UBAP2: variants seen among roughly 807,000 people sequenced by gnomAD.
UBAP2 encodes ubiquitin associated protein 2, also known as ubiquitin-associated protein 2.
UBAP2 carries 75 observed loss-of-function variants against 139.6 expected under a neutral mutation model. That is an observed-to-expected ratio of 0.54 (90% confidence interval 0.45 to 0.65). The LOEUF is 0.65. Among genes scored for constraint, UBAP2 ranks in the 30% least tolerant of loss-of-function variants. The pLI is 0.00. For synonymous variants in UBAP2, 526 were observed against 526.2 expected (o/e 1.00, Z 0.01); for missense variants, 1,368 against 1,369.6 (o/e 1.00, Z 0.02).
intron 17 of UBAP2, among the ~76,000 whole-genome samples, chr9:33,935,166 G>T (rs1344641114): frequency 1.7e-5 from 1 of 57,392 alleles, no homozygotes; most frequent in African/African-American, 4.0e-5. Flanking sequence ...GAAGTGGCGG[G>T]GGGGGGGGGT....
intron 1 of UBAP2, among the ~76,000 whole-genome samples, chr9:34,043,220 G>C (rs565465883): frequency 1.3e-5 from 2 of 152,266 alleles, no homozygotes; most frequent in South Asian, 2.1e-4. Context: ...CACCCAGGCT[G>C]AAGTGCAGTG....
chr9:34,038,871 T>C lies in UBAP2; in HGVS notation c.-42+9954A>G, dbSNP rs886521863. ...CTGCCCGGCCGCCCATCGTCTGAGA[T>C]GTGGGGAGCGCCTCTGCCCCGCCAC... On this transcript the variant is annotated intron_variant, in intron 1 of 28. Transcript: ENST00000379238. Among the ~76,000 whole-genome samples, 262 of 143,836 alleles carry C rather than the reference T, an allele frequency of 1.8e-3. 2 individuals are homozygous for C. The highest frequency in any genetic ancestry group is 8.5e-4 in the Non-Finnish European group (56 of 65,498). The allele number at this position is 143,836 out of a possible 152,430, so 94.4% of individuals were successfully genotyped here.
intron 1 of UBAP2, among the ~76,000 whole-genome samples, chr9:34,028,954 A>G (rs535737454): frequency 6.4e-4 from 97 of 152,092 alleles, no homozygotes; most frequent in African/African-American, 2.1e-3. Flanking sequence ...CTATACAATA[A>G]ATTTTTTTTT....
At chr9:33,970,199 T>A (rs1205783148) in intron 8 of UBAP2, among the ~76,000 whole-genome samples, 1 of 151,734 alleles carries the variant, frequency 6.6e-6, no homozygotes, top group Non-Finnish European at 1.5e-5. Flanking sequence ...TCCTAATATC[T>A]ATATGATCCA....
intron 1 of UBAP2, among the ~76,000 whole-genome samples, chr9:34,023,377 G>A (rs138063138): frequency 1.6e-3 from 239 of 152,240 alleles, no homozygotes; most frequent in African/African-American, 5.5e-3. Flanking sequence ...ACAGAAAAAT[G>A]ACTTAATCTT....
Position 33,923,273 on chromosome 9 carries a change from C to G in UBAP2, c.2917G>C (p.Gly973Arg), listed in dbSNP as rs1156965891. 1 of 1,614,180 alleles carries G rather than the reference C, an allele frequency of 6.2e-7. No homozygotes were observed. The highest frequency in any genetic ancestry group is 2.2e-5 in the East Asian group (1 of 44,876). The change falls in exon 26 of 29, where the codon GGG (glycine) becomes CGG (arginine). Residue 973 changes from glycine (G) to arginine (R), a missense_variant. Transcript: ENST00000379238. Reference protein sequence around the residue: ...YSTGYDDLTQGTAAGDYSKGG... With the variant: ...YSTGYDDLTQRTAAGDYSKGG... ...TTGGAGTAGTCTCCTGCTGCTGTCC[C>G]CTGGGTCAGGTCGTCATAACCTAGC...
intron 1 of UBAP2, among the ~76,000 whole-genome samples, chr9:34,026,606 C>T (rs1373728998): frequency 1.3e-5 from 2 of 152,102 alleles, no homozygotes; most frequent in Non-Finnish European, 2.9e-5. Context: ...AAATCTAAAA[C>T]CAATGGTAAT....
intron 16 of UBAP2, among the ~76,000 whole-genome samples, chr9:33,939,189 CTTTTTTTTT>C (rs72150705): frequency 7.6e-5 from 6 of 78,592 alleles, no homozygotes; most frequent in South Asian, 5.4e-4. Context: ...TTTCCTATGT[CTTTTTTTTT>C]TTTTTTTTTT....
chr9:33,964,842 C>CA (rs1390902053), intron 8 of UBAP2, among the ~76,000 whole-genome samples: 1 of 152,074 alleles, frequency 6.6e-6, no homozygotes, highest in East Asian at 1.9e-4. Context: ...ATGGGATTGT[C>CA]AGATTGTATG....
chr9:34,024,025 CAG>C (rs1265644081), intron 1 of UBAP2, among the ~76,000 whole-genome samples: 1 of 149,974 alleles, frequency 6.7e-6, no homozygotes, highest in Non-Finnish European at 1.5e-5. Flanking sequence ...GTCCGGGTGA[CAG>C]AGCAAGACTC....
chr9:34,007,637 G>GTTT (rs1564059548), intron 2 of UBAP2, among the ~76,000 whole-genome samples: 4 of 137,958 alleles, frequency 2.9e-5, no homozygotes, highest in Non-Finnish European at 1.6e-5. Context: ...GTCCTTGTAT[G>GTTT]TTTTATTTTT....
intron 6 of UBAP2, among the ~76,000 whole-genome samples, chr9:33,984,049 A>T (rs1820993673): frequency 6.6e-6 from 1 of 152,036 alleles, no homozygotes; most frequent in African/African-American, 2.4e-5. Context: ...AACTACAGGC[A>T]CACACCACCA....
intron 1 of UBAP2, among the ~76,000 whole-genome samples, chr9:34,029,059 T>C (rs920539034): frequency 6.6e-5 from 10 of 152,222 alleles, no homozygotes; most frequent in Admixed American, 6.6e-4. Flanking sequence ...AAGGCTGCAG[T>C]GTGCTATGAT....
At chr9:33,994,222 A>C (rs562081619) in intron 4 of UBAP2, among the ~76,000 whole-genome samples, 20 of 152,192 alleles carry the variant, frequency 1.3e-4, no homozygotes, top group African/African-American at 4.8e-4. Context: ...ATAGCCCAGA[A>C]CCAGCTCCTT....
intron 7 of UBAP2, among the ~76,000 whole-genome samples, 176 bp from the exon 8 acceptor site, chr9:33,971,930 C>G (rs1386465468): frequency 6.6e-6 from 1 of 152,184 alleles, no homozygotes; most frequent in African/African-American, 2.4e-5. Context: ...CATGGAGATG[C>G]AGATGTGAAA....
intron 1 of UBAP2, among the ~76,000 whole-genome samples, chr9:34,030,193 C>G (rs571736163): frequency 6.6e-6 from 1 of 152,108 alleles, no homozygotes; most frequent in East Asian, 1.9e-4. Context: ...CGCCTGTAAT[C>G]CCAGCACTTT....
In UBAP2 at chr9:33,996,317, C is replaced by T; in HGVS notation, c.194G>A (p.Gly65Glu). The T allele has an allele frequency of 6.2e-7, 1 of 1,613,192 alleles. No homozygotes were observed. Among genetic ancestry groups the T allele is most frequent in the Non-Finnish European group, 8.5e-7 (1 of 1,179,730 alleles). The change falls in exon 4 of 29, where the codon GGG (glycine) becomes GAG (glutamate). Residue 65 changes from glycine to glutamate, a missense_variant. Coordinates refer to ENST00000379238, the MANE Select transcript of UBAP2 (RefSeq NM_001370062.2). ...CACTATGCATTCATCCTGATTTTTC[C>T]CTGTCACTTCCATAAGCTAGTGAAC... ...AKVKQLMEVT[G>E]KNQDECIVAL...
chr9:33,927,916 G>C lies in UBAP2; in HGVS notation c.2252C>G (p.Ser751Cys). The C allele has an allele frequency of 1.2e-6, 2 of 1,614,224 alleles. No homozygotes were observed. Among genetic ancestry groups the C allele is most frequent in the Non-Finnish European group, 1.7e-6 (2 of 1,180,040 alleles). ...GGACAGGCTGGCGCCTGAGGATGCGGAACTTGAGACGGAGGTCGCTGCCGT... is the reference window on the plus strand; with the variant it reads ...GGACAGGCTGGCGCCTGAGGATGCGCAACTTGAGACGGAGGTCGCTGCCGT... Reference protein sequence around the residue: ...FSTAATSVSSSASSGASLSSS... With the variant: ...FSTAATSVSSCASSGASLSSS... The change falls in exon 20 of 29, where the codon TCC (serine) becomes TGC (cysteine). Residue 751 changes from serine to cysteine, a missense_variant. Coordinates refer to ENST00000379238, the MANE Select transcript of UBAP2 (RefSeq NM_001370062.2).
chr9:33,999,041 C>T (rs912374592), intron 2 of UBAP2, among the ~76,000 whole-genome samples, 177 bp from the exon 3 acceptor site: 9 of 152,136 alleles, frequency 5.9e-5, no homozygotes, highest in African/African-American at 2.2e-4. Context: ...GAAAAATAAG[C>T]ATCAAATTAA....
Sources: allele counts gnomAD v4.1 joint callset (sites outside exome capture counted in the v4.1 genomes callset), GRCh38; gene constraint gnomAD v4.1.1; transcripts MANE v1.5; gene names NCBI Gene and HGNC (gene_info 2026-07-23, HGNC 2026-07-21).